Variants in CUL1 observed in about 807,000 individuals in gnomAD.
CUL1 encodes cullin 1.
In CUL1, 24 loss-of-function variants were observed where a neutral mutation model predicts 118.0. That is an observed-to-expected ratio of 0.20 (90% CI 0.15 to 0.29). The LOEUF (loss-of-function observed/expected upper bound fraction) is 0.29, where lower values mean the gene tolerates loss of function less well. Among genes scored for constraint, CUL1 ranks in the 10% least tolerant of loss-of-function variants. CUL1 has a pLI of 1.00. For missense variants in CUL1, 361 were observed against 933.8 expected (o/e 0.39, Z 7.99); for synonymous variants, 332 against 340.4 (o/e 0.98, Z 0.27).
chr7:148,788,490 A>G, intron 13 of CUL1, 67 bp from the exon 14 acceptor site: 1 of 983,628 alleles, frequency 1.0e-6, no homozygotes, highest in Non-Finnish European at 1.6e-6. Context: ...TGATTTCTCT[A>G]AGATTCCCTT....
chr7:148,734,476 T>G (rs961225771), intron 2 of CUL1, among the ~76,000 whole-genome samples: 1 of 152,214 alleles, frequency 6.6e-6, no homozygotes, highest in Non-Finnish European at 1.5e-5. Flanking sequence ...ACTCCTCGAC[T>G]CAAGTTATCC....
At chr7:148,731,122 C>T (rs1798750735) in intron 2 of CUL1, among the ~76,000 whole-genome samples, 1 of 152,148 alleles carries the variant, frequency 6.6e-6, no homozygotes, top group Non-Finnish European at 1.5e-5. Flanking sequence ...CTGTGTGCCA[C>T]AAAGGTGATG....
intron 9 of CUL1, among the ~76,000 whole-genome samples, chr7:148,782,219 C>T (rs1800663513): frequency 6.6e-6 from 1 of 152,170 alleles, no homozygotes; most frequent in Admixed American, 6.5e-5. Context: ...ATTTCAGTGA[C>T]AAAACCACAA....
intron 1 of CUL1, among the ~76,000 whole-genome samples, chr7:148,724,852 GT>G (rs901684493): frequency 6.6e-6 from 1 of 151,984 alleles, no homozygotes. Context: ...TTTTTTGTTT[GT>G]TTTTTGTTTG....
intron 9 of CUL1, among the ~76,000 whole-genome samples, chr7:148,775,606 C>G (rs1800368353): frequency 1.3e-5 from 2 of 151,938 alleles, no homozygotes; most frequent in Admixed American, 6.6e-5. Flanking sequence ...CGGTTTTGTA[C>G]AGTAAGTCAG....
intron 1 of CUL1, among the ~76,000 whole-genome samples, chr7:148,715,465 G>A (rs946780749): frequency 2.0e-5 from 3 of 152,036 alleles, no homozygotes; most frequent in Non-Finnish European, 4.4e-5. Context: ...TAACACTGTC[G>A]AACTAAAAGT....
At chr7:148,770,991 T>C (rs1800189860) in intron 9 of CUL1, among the ~76,000 whole-genome samples, 1 of 152,188 alleles carries the variant, frequency 6.6e-6, no homozygotes, top group South Asian at 2.1e-4. Flanking sequence ...ATTTTTAAAG[T>C]TTAAAAATTT....
At chr7:148,723,810 A>C (rs1212413263) in intron 1 of CUL1, among the ~76,000 whole-genome samples, 1 of 149,582 alleles carries the variant, frequency 6.7e-6, no homozygotes, top group East Asian at 1.9e-4. Flanking sequence ...TTTCTTTTTA[A>C]AGCCATGTTC....
chr7:148,710,749 T>C (rs1798025750), intron 1 of CUL1, among the ~76,000 whole-genome samples: 1 of 151,754 alleles, frequency 6.6e-6, no homozygotes, highest in Non-Finnish European at 1.5e-5. Flanking sequence ...ACCCCCGCCT[T>C]CTGGTTGGTT....
At chr7:148,699,374 G>T (rs1437429570) in intron 1 of CUL1, among the ~76,000 whole-genome samples, 1 of 152,104 alleles carries the variant, frequency 6.6e-6, no homozygotes, top group African/African-American at 2.4e-5. Flanking sequence ...CGCCGCGACC[G>T]GGCTGGGTTC....
chr7:148,789,699 CTAAT>C, intron 14 of CUL1, 47 bp from the exon 15 acceptor site: 1 of 1,432,622 alleles, frequency 7.0e-7, no homozygotes, highest in South Asian at 1.2e-5. Context: ...AGTTTATAAA[CTAAT>C]TAATGTATTC....
intron 17 of CUL1, among the ~76,000 whole-genome samples, chr7:148,793,152 T>C (rs1801074600): frequency 6.6e-6 from 1 of 152,092 alleles, no homozygotes; most frequent in Non-Finnish European, 1.5e-5. Context: ...AGAGACCCTG[T>C]CTCTTAAAAA....
At chr7:148,742,141 A>T (rs942269577) in intron 2 of CUL1, among the ~76,000 whole-genome samples, 1 of 152,206 alleles carries the variant, frequency 6.6e-6, no homozygotes, top group South Asian at 2.1e-4. Flanking sequence ...AATGAAGCCA[A>T]CTGGGATTCT....
At chr7:148,702,798 G>A (rs1797761065) in intron 1 of CUL1, among the ~76,000 whole-genome samples, 1 of 152,150 alleles carries the variant, frequency 6.6e-6, no homozygotes, top group Non-Finnish European at 1.5e-5. Context: ...CACTATCACA[G>A]TATTTAACCT....
chr7:148,724,593 A>T (rs563583977), intron 1 of CUL1, among the ~76,000 whole-genome samples: 1 of 152,152 alleles, frequency 6.6e-6, no homozygotes, highest in African/African-American at 2.4e-5. Context: ...CAAGAAAATG[A>T]TAATCCCTCT....
intron 16 of CUL1, among the ~76,000 whole-genome samples, chr7:148,791,752 C>G (rs1007570378): frequency 4.6e-5 from 7 of 152,258 alleles, no homozygotes; most frequent in Non-Finnish European, 1.0e-4. Flanking sequence ...GAGAGGCAAG[C>G]AGTGACTGAC....
Position 148,705,051 on chromosome 7 carries a change from G to T in CUL1, c.-162+6022G>T, listed in dbSNP as rs541086751. 3.3e-5 allele frequency among the ~76,000 whole-genome samples: 5 copies of T among 152,282 alleles called. No individual in the cohort carries two copies. In the South Asian group the frequency reaches 1.0e-3, roughly 32 times the overall value. ...CTTCCGTTGGGCTGTATTTCCAGCG[G>T]TCAGGTTCTCCTTTGCTGGACTAAT... is the stretch of plus-strand genomic sequence containing the variant. On this transcript the variant is annotated intron_variant, in intron 1 of 21. Transcript: ENST00000325222.
At chr7:148,767,340 T>G (rs957313391) in intron 8 of CUL1, among the ~76,000 whole-genome samples, 5 of 151,978 alleles carry the variant, frequency 3.3e-5, no homozygotes, top group Non-Finnish European at 4.4e-5. Flanking sequence ...TTTTTTTTTT[T>G]GCTTAGTCTT....
At chr7:148,764,176 C>G (rs1799930490) in intron 7 of CUL1, among the ~76,000 whole-genome samples, 1 of 152,132 alleles carries the variant, frequency 6.6e-6, no homozygotes, top group Admixed American at 6.5e-5. Flanking sequence ...TTTGTTTTTA[C>G]TGAGAACCGA....
Sources: allele counts gnomAD v4.1 joint callset (sites outside exome capture counted in the v4.1 genomes callset), GRCh38; gene constraint gnomAD v4.1.1; transcripts MANE v1.5; gene names NCBI Gene and HGNC (gene_info 2026-07-23, HGNC 2026-07-21).